PLEKHA7: variants seen among roughly 807,000 people sequenced by gnomAD.
PLEKHA7 encodes the protein pleckstrin homology domain containing A7, also known as pleckstrin homology domain-containing family A member 7.
In PLEKHA7, 104 loss-of-function variants were observed where a neutral mutation model predicts 170.0. The observed-to-expected ratio is 0.61, with a 90% CI of 0.52 to 0.72. The LOEUF is 0.72. Among genes scored for constraint, PLEKHA7 ranks in the 30% least tolerant of loss-of-function variants. The pLI, the probability that PLEKHA7 is intolerant of heterozygous loss-of-function variation, is 0.00. For synonymous variants in PLEKHA7, 648 were observed against 660.8 expected (o/e 0.98, Z 0.30); for missense variants, 1,615 against 1,671.7 (o/e 0.97, Z 0.59).
At position 16,789,347 on chromosome 11, in the gene PLEKHA7, C is replaced by G; in HGVS notation, c.3157-51G>C. The G allele has an allele frequency of 6.4e-7, 1 of 1,572,092 alleles. No individual in the cohort carries two copies. The highest frequency in any genetic ancestry group is 2.2e-5 in the East Asian group (1 of 44,554). ...AGACACAGAACAGCTGGGCTGGGCA[C>G]GCAGAGGACAGCCACCCTGCTGGCT... On this transcript the variant is annotated intron_variant, in intron 22 of 26. Coordinates refer to ENST00000531066, the MANE Select transcript of PLEKHA7 (RefSeq NM_001329630.2). The surrounding 1 kb of genome is among the most constrained non-coding windows in gnomAD (Gnocchi z 4.6).
chr11:16,952,704 G>A (rs1413513355), intron 3 of PLEKHA7, among the ~76,000 whole-genome samples: 1 of 152,084 alleles, frequency 6.6e-6, no homozygotes, highest in Non-Finnish European at 1.5e-5. Flanking sequence ...ATACATATTG[G>A]TTAAGCATCC....
At chr11:16,948,087 T>C (rs1482086679) in intron 3 of PLEKHA7, among the ~76,000 whole-genome samples, 3 of 151,918 alleles carry the variant, frequency 2.0e-5, no homozygotes, top group Admixed American at 2.0e-4. Flanking sequence ...AAAAGACAAA[T>C]ACTGCATGAT....
Position 16,817,227 on chromosome 11 carries a change from G to A in PLEKHA7, c.1439C>T (p.Pro480Leu), listed in dbSNP as rs1590212150. The A allele has an allele frequency of 1.9e-6, 3 of 1,614,058 alleles. No individual in the cohort carries two copies. The highest frequency in any genetic ancestry group is 2.5e-6 in the Non-Finnish European group (3 of 1,180,032). ...GGGAGGTGGCGAGGAGCCCCCCGAG[G>A]GGTGTCGGGTGCTCTTGGGAAGAGT... ...YQTLPKSTRH[P>L]SGGSSPPPRN... is the part of the protein sequence containing the mutation. The change falls in exon 11 of 27, where the codon CCC (proline) becomes CTC (leucine). Residue 480 changes from proline to leucine, a missense_variant. Pro to Leu is a moderately conservative substitution (Grantham distance 98). Coordinates refer to ENST00000531066, the MANE Select transcript of PLEKHA7 (RefSeq NM_001329630.2). The surrounding 1 kb of genome is among the most constrained non-coding windows in gnomAD (Gnocchi z 4.4).
chr11:16,897,691 T>C (rs1857083104), intron 3 of PLEKHA7, among the ~76,000 whole-genome samples: 1 of 152,220 alleles, frequency 6.6e-6, no homozygotes, highest in Non-Finnish European at 1.5e-5. Context: ...AGAGTTTTCA[T>C]GAACACCTCA....
At chr11:16,821,080 C>T (rs1225660543) in intron 10 of PLEKHA7, among the ~76,000 whole-genome samples, 1 of 152,194 alleles carries the variant, frequency 6.6e-6, no homozygotes, top group Non-Finnish European at 1.5e-5. Flanking sequence ...TGCTCTGTGG[C>T]CACAGGGACT....
chr11:16,808,916 G>A (rs191894906), intron 13 of PLEKHA7, among the ~76,000 whole-genome samples: 78 of 152,298 alleles, frequency 5.1e-4, no homozygotes, highest in Non-Finnish European at 1.0e-3. Flanking sequence ...CAGTTGCTGC[G>A]TACATGTCCC....
chr11:16,986,393 T>G (rs984443502), intron 3 of PLEKHA7, among the ~76,000 whole-genome samples: 2 of 151,842 alleles, frequency 1.3e-5, no homozygotes, highest in African/African-American at 4.8e-5. Context: ...AAGGGAGGCA[T>G]CGAATGAGCC....
chr11:16,979,881 A>G (rs1863316933), intron 3 of PLEKHA7, among the ~76,000 whole-genome samples: 1 of 152,154 alleles, frequency 6.6e-6, no homozygotes, highest in Admixed American at 6.5e-5. Flanking sequence ...GTCTGTGTAC[A>G]CAGGCAGGGT....
intron 3 of PLEKHA7, chr11:16,975,098 A>T: frequency 1.8e-6 from 1 of 567,270 alleles, no homozygotes; most frequent in Non-Finnish European, 2.5e-6. Context: ...AGATTTCATC[A>T]CATGCATACA....
chr11:16,896,587 C>T (rs1345067308), intron 3 of PLEKHA7, among the ~76,000 whole-genome samples: 1 of 152,212 alleles, frequency 6.6e-6, no homozygotes, highest in Non-Finnish European at 1.5e-5. Flanking sequence ...CTAAGCCCAT[C>T]ATCCTATCTC....
intron 3 of PLEKHA7, among the ~76,000 whole-genome samples, chr11:16,944,436 C>G (rs1860890055): frequency 6.6e-6 from 1 of 151,270 alleles, no homozygotes; most frequent in African/African-American, 2.4e-5. Context: ...CACTTGAACC[C>G]AGGAGGCGGA....
At chr11:16,799,390 C>T (rs1234428373) in intron 17 of PLEKHA7, among the ~76,000 whole-genome samples, 1 of 152,094 alleles carries the variant, frequency 6.6e-6, no homozygotes, top group Non-Finnish European at 1.5e-5. Context: ...ACTGATGACA[C>T]ATAGGGAGGG....
intron 3 of PLEKHA7, among the ~76,000 whole-genome samples, chr11:16,872,918 G>T (rs573444899): frequency 6.6e-6 from 1 of 152,186 alleles, no homozygotes; most frequent in Admixed American, 6.5e-5. Context: ...CTTATCCCAT[G>T]GTATTTACAT....
chr11:16,854,958 C>T lies in PLEKHA7; in HGVS notation c.453G>A (p.Gly151=), dbSNP rs769814425. 30 of 1,614,078 alleles carry T rather than the reference C, an allele frequency of 1.9e-5. No homozygotes were observed. Among genetic ancestry groups the T allele is most frequent in the East Asian group, 4.5e-5 (2 of 44,876 alleles). The part of the protein sequence containing the change: ...IKSSSKVHSF[G]KRDQAIRRNP... ...TCCTCCGAATGGCCTGGTCTCTCTT[C>T]CCAAAGCTGTGGACTTTACTGCTGG... Residue 151 remains glycine, a synonymous_variant, in exon 6 of 27, where the codon GGG becomes GGA. Coordinates refer to ENST00000531066, the MANE Select transcript of PLEKHA7 (RefSeq NM_001329630.2).
intron 4 of PLEKHA7, among the ~76,000 whole-genome samples, chr11:16,862,349 T>G (rs1423309998): frequency 1.3e-5 from 2 of 152,198 alleles, no homozygotes; most frequent in Non-Finnish European, 2.9e-5. Flanking sequence ...AGTCCTTTTC[T>G]GTTGTATGAC....
intron 3 of PLEKHA7, among the ~76,000 whole-genome samples, chr11:16,947,351 G>A (rs767918307): frequency 6.6e-6 from 1 of 152,120 alleles, no homozygotes; most frequent in Non-Finnish European, 1.5e-5. Flanking sequence ...CATACTTTGG[G>A]AGGGCAAGGC....
At chr11:16,859,548 C>T (rs1853763575) in intron 4 of PLEKHA7, among the ~76,000 whole-genome samples, 1 of 152,154 alleles carries the variant, frequency 6.6e-6, no homozygotes, top group African/African-American at 2.4e-5. Context: ...TACAGCCTCC[C>T]GAAGAGACAA....
At chr11:16,934,565 C>A (rs899657242) in intron 3 of PLEKHA7, among the ~76,000 whole-genome samples, 2 of 151,926 alleles carry the variant, frequency 1.3e-5, no homozygotes, top group Non-Finnish European at 2.9e-5. Flanking sequence ...TTTACCTAAA[C>A]AGAAACAGTA....
Position 16,790,866 on chromosome 11 carries a change from C to T in PLEKHA7, c.2984G>A (p.Gly995Glu), listed in dbSNP as rs958246816. The T allele has an allele frequency of 3.1e-6, 5 of 1,611,334 alleles. No individual in the cohort carries two copies. The Admixed American group carries it at 5.0e-5, about 16-fold the overall frequency. ...TCCTAGGGAGGGCTGGGCCATGTCC[C>T]CGCTGAGGGTCGCCAGCTCAGGCTC... ...VSEPELATLS[G>E]DMAQPSLGLV... Residue 995 changes from glycine to glutamate, a missense_variant, in exon 21 of 27, where the codon GGG becomes GAG. By Grantham distance (98) the Gly-to-Glu change is moderately conservative (BLOSUM62 -2). Transcript: ENST00000531066.
Sources: gnomAD v4.1 joint callset for allele counts (sites outside exome capture counted in the v4.1 genomes callset) on GRCh38, gnomAD v4.1.1 for gene constraint, Gnocchi (gnomAD v3.1) non-coding constraint, MANE v1.5 for transcripts, NCBI Gene and HGNC (gene_info 2026-07-23, HGNC 2026-07-21) for gene names.